Variants in AKT3 observed in about 807,000 individuals in gnomAD.
The protein encoded by AKT3 is AKT serine/threonine kinase 3.
AKT3 carries 15 observed loss-of-function variants against 65.3 expected under a neutral mutation model. The observed-to-expected ratio is 0.23, with a 90% CI of 0.15 to 0.35. The LOEUF (loss-of-function observed/expected upper bound fraction) is 0.35. Ranked by LOEUF, AKT3 falls within the 10% of genes least tolerant of loss-of-function variation. The probability of loss-of-function intolerance (pLI) is 1.00; values close to 1 mark genes in which losing one functional copy is unlikely to be tolerated. For missense variants in AKT3, 243 were observed against 576.5 expected (o/e 0.42, Z 5.92); for synonymous variants, 206 against 183.8 (o/e 1.12, Z -0.98).
chr1:243,589,858 G>T lies in AKT3; in HGVS notation c.697-16810C>A, dbSNP rs187932892. Among the ~76,000 whole-genome samples, 529 of 152,190 alleles carry T rather than the reference G, an allele frequency of 3.5e-3. 2 individuals carry two copies. Among genetic ancestry groups the T allele is most frequent in the African/African-American group, 0.012 (511 of 41,544 alleles). On this transcript the variant is annotated intron_variant, in intron 8 of 13. Transcript: ENST00000673466. ...GGATATGAAGAAGCAACATCTATCAGCAGATAAATGGATAATGAAAATGTG... is the reference window on the plus strand; with the variant it reads ...GGATATGAAGAAGCAACATCTATCATCAGATAAATGGATAATGAAAATGTG...
intron 2 of AKT3, among the ~76,000 whole-genome samples, chr1:243,795,475 G>GTTTTTTTTTTTTT (rs369512939): frequency 2.0e-4 from 18 of 88,012 alleles, no homozygotes; most frequent in South Asian, 7.6e-4. Context: ...TTTTTTTTTT[G>GTTTTTTTTTTTTT]GTTTTTTTTT....
At position 243,557,071 on chromosome 1, in the gene AKT3, G is replaced by A. The variant is rs555471711; in HGVS notation, c.949-4128C>T. On this transcript the variant is annotated intron_variant, in intron 10 of 13. Transcript: ENST00000673466. ...CAAATACTTGTATACAGTTAACATC[G>A]TACTTTCAAAAGCAAACTCTGGCTA... Among the ~76,000 whole-genome samples, 50 of 152,072 alleles carry A rather than the reference G, an allele frequency of 3.3e-4. 1 individual carries two copies. Among genetic ancestry groups the A allele is most frequent in the African/African-American group, 1.1e-3 (46 of 41,500 alleles).
intron 2 of AKT3, among the ~76,000 whole-genome samples, chr1:243,799,854 AAACT>A (rs1372263015): frequency 6.6e-6 from 1 of 152,244 alleles, no homozygotes; most frequent in East Asian, 1.9e-4. Flanking sequence ...TTTCAAAGGA[AAACT>A]ATCTAGCACT....
chr1:243,709,180 CTAATCTTTATGTCA>C (rs1333967034), intron 2 of AKT3, among the ~76,000 whole-genome samples: 4 of 149,434 alleles, frequency 2.7e-5, no homozygotes, highest in Non-Finnish European at 5.9e-5. Flanking sequence ...ATAAAAAGTG[CTAATCTTTATGTCA>C]GAGTTTTACA....
chr1:243,621,519 A>G (rs2926011), intron 6 of AKT3, among the ~76,000 whole-genome samples: 144,845 of 152,180 alleles, frequency 0.95, 69,348 homozygotes, highest in East Asian at 1. Flanking sequence ...TTCCTTTGGT[A>G]AACTCATTCA....
At chr1:243,496,720 C>A (rs1283729642), downstream of AKT3, among the ~76,000 whole-genome samples, 1 of 152,216 alleles carries the variant, frequency 6.6e-6, no homozygotes, top group African/African-American at 2.4e-5. Context: ...GCTGGCTGGA[C>A]CCCACAGTGT....
At chr1:243,832,959 G>A (rs1205412970) in intron 2 of AKT3, among the ~76,000 whole-genome samples, 1 of 152,060 alleles carries the variant, frequency 6.6e-6, no homozygotes, top group Non-Finnish European at 1.5e-5. Context: ...TTTTCATACT[G>A]CTATAAAGAA....
chr1:243,515,257 G>T (rs1268522223), intron 12 of AKT3, among the ~76,000 whole-genome samples: 1 of 152,082 alleles, frequency 6.6e-6, no homozygotes, highest in African/African-American at 2.4e-5. Flanking sequence ...TAACTTTTAT[G>T]TCCACGTCTT....
chr1:243,849,100 A>T (rs1695637195), intron 1 of AKT3, among the ~76,000 whole-genome samples: 1 of 152,216 alleles, frequency 6.6e-6, no homozygotes, highest in African/African-American at 2.4e-5. Flanking sequence ...CCTCGGCGTC[A>T]GGGTCAACAC....
At chr1:243,604,159 T>TGC (rs1558646798) in intron 8 of AKT3, among the ~76,000 whole-genome samples, 1 of 152,070 alleles carries the variant, frequency 6.6e-6, no homozygotes, top group Non-Finnish European at 1.5e-5. Context: ...CCTCCCATAG[T>TGC]GCTGAGATTC....
At chr1:243,608,358 T>C (rs1050210337) in intron 8 of AKT3, among the ~76,000 whole-genome samples, 3 of 152,206 alleles carry the variant, frequency 2.0e-5, no homozygotes, top group African/African-American at 7.2e-5. Context: ...GTAAACTTTC[T>C]AGAGCATAGA....
chr1:243,617,836 A>T (rs901975936), intron 6 of AKT3, among the ~76,000 whole-genome samples: 32 of 152,220 alleles, frequency 2.1e-4, no homozygotes, highest in Non-Finnish European at 4.6e-4. Flanking sequence ...GAAAAAGGGG[A>T]TAGTTCTGAG....
chr1:243,696,029 T>G (rs1299392368), intron 2 of AKT3, among the ~76,000 whole-genome samples: 1 of 151,928 alleles, frequency 6.6e-6, no homozygotes, highest in Non-Finnish European at 1.5e-5. Flanking sequence ...TAGAGCATAT[T>G]TTCAGCTGTT....
At chr1:243,740,854 G>A (rs1298526955) in intron 2 of AKT3, 1 of 152,074 alleles carries the variant, frequency 6.6e-6, no homozygotes, top group Admixed American at 6.6e-5. Context: ...TTTGTATCTG[G>A]TATTGTACAA....
At chr1:243,797,613 C>T (rs1441065585) in intron 2 of AKT3, among the ~76,000 whole-genome samples, 2 of 152,064 alleles carry the variant, frequency 1.3e-5, no homozygotes, top group African/African-American at 4.8e-5. Context: ...CACAAATGAC[C>T]TTTAAAATAG....
At chr1:243,738,134 G>A (rs1371923808) in intron 2 of AKT3, among the ~76,000 whole-genome samples, 2 of 152,106 alleles carry the variant, frequency 1.3e-5, no homozygotes, top group Admixed American at 1.3e-4. Flanking sequence ...AGTTCTACTT[G>A]GTCTCTCCAT....
At chr1:243,591,356 G>A (rs531264109) in intron 8 of AKT3, among the ~76,000 whole-genome samples, 1 of 152,332 alleles carries the variant, frequency 6.6e-6, no homozygotes, top group African/African-American at 2.4e-5. Flanking sequence ...CCGTGTTAGT[G>A]CTAGAGCAAA....
chr1:243,593,187 G>A (rs1202051024), intron 8 of AKT3, among the ~76,000 whole-genome samples: 3 of 152,124 alleles, frequency 2.0e-5, no homozygotes, highest in East Asian at 1.9e-4. Flanking sequence ...GGCCAGCATT[G>A]CCACAATACA....
chr1:243,795,465 TTTTTTTTTTGG>T (rs1415396268), intron 2 of AKT3, among the ~76,000 whole-genome samples: 59 of 91,416 alleles, frequency 6.5e-4, no homozygotes, highest in Middle Eastern at 0.017. Context: ...TTTTTTTGTT[TTTTTTTTTTGG>T]TTTTTTTTTT....
Sources: allele counts gnomAD v4.1 joint callset (sites outside exome capture counted in the v4.1 genomes callset), GRCh38; gene constraint gnomAD v4.1.1; transcripts MANE v1.5; gene names NCBI Gene and HGNC (gene_info 2026-07-23, HGNC 2026-07-21).